Variants in PDK3 observed in about 807,000 individuals in gnomAD.
PDK3 encodes pyruvate dehydrogenase kinase 3.
In PDK3, 12 loss-of-function variants were observed where a neutral mutation model predicts 32.0. That is an observed-to-expected ratio of 0.37 (90% CI 0.24 to 0.61). The LOEUF (loss-of-function observed/expected upper bound fraction) is 0.61. PDK3 is among the 20% of genes least tolerant of loss of function. PDK3 has a pLI of 0.65. For synonymous variants in PDK3, 122 were observed against 116.3 expected (o/e 1.05, Z -0.31); for missense variants, 188 against 316.9 (o/e 0.59, Z 3.09).
chrX:24,479,862 G>A (rs941308745), intron 1 of PDK3, among the ~76,000 whole-genome samples: 1 of 111,678 alleles, frequency 9.0e-6, no homozygotes, highest in East Asian at 2.8e-4. Context: ...CACTTACTGA[G>A]TACTTACCAA....
At chrX:24,539,254 G>C, downstream of PDK3, 1 of 594,709 alleles carries the variant, frequency 1.7e-6, no homozygotes, top group Non-Finnish European at 2.7e-6. Flanking sequence ...TGCTCTGAGC[G>C]TGGCATCACA....
chrX:24,511,321 A>G (rs1432008609), intron 5 of PDK3, among the ~76,000 whole-genome samples: 1 of 112,590 alleles, frequency 8.9e-6, no homozygotes, highest in Non-Finnish European at 1.9e-5. Context: ...TTTCTTAGTT[A>G]ATCTTCTAAC....
At position 24,491,909 on chromosome X, in the gene PDK3, C is replaced by T. The variant is rs146181844; in HGVS notation, c.107-2833C>T. 3.8e-3 allele frequency among the ~76,000 whole-genome samples: 424 copies of T among 111,528 alleles called. 6 individuals are homozygous for T. Among genetic ancestry groups the T allele is most frequent in the African/African-American group, 0.013 (401 of 30,685 alleles). On this transcript the variant is annotated intron_variant, in intron 1 of 10. Coordinates refer to ENST00000379162, the MANE Select transcript of PDK3 (RefSeq NM_005391.5). ...CGTGATTGTACCACTGCACTGCAGC[C>T]TGGGTGACAGAGTGAGACCCTGTCT...
At chrX:24,470,687 C>CAAAAAA (rs58511156) in intron 1 of PDK3, among the ~76,000 whole-genome samples, 2 of 26,271 alleles carry the variant, frequency 7.6e-5, no homozygotes, top group Non-Finnish European at 1.5e-4. Flanking sequence ...AACGGCATCT[C>CAAAAAA]AAAAAAAAAA....
chrX:24,491,832 AGGCTGAGGT>A (rs1375192120), intron 1 of PDK3, among the ~76,000 whole-genome samples: 2 of 110,980 alleles, frequency 1.8e-5, no homozygotes, highest in Non-Finnish European at 1.9e-5. Flanking sequence ...CCTACCTGGG[AGGCTGAGGT>A]GGCAGGATCA....
chrX:24,545,676 A>G lies in PDK3; in HGVS notation c.*6512A>G, dbSNP rs763848914. On this transcript the variant is annotated 3_prime_UTR_variant, in exon 12 of 12. Transcript: ENST00000568479. ...GAAGACCGGTACCCACATGTAAGAG[A>G]GGTTAACGAAGGGAGGGTGGCAGAG... 4 of 111,267 alleles carry G rather than the reference A, an allele frequency of 3.6e-5. No individual in the cohort carries two copies. In the South Asian group the frequency reaches 1.6e-3, roughly 43 times the overall value. 9.2% of individuals were successfully genotyped at this position (111,267 alleles called of 1,213,427 possible).
chrX:24,527,454 C>T, intron 7 of PDK3, 120 bp from the exon 8 acceptor site: 1 of 444,361 alleles, frequency 2.3e-6, no homozygotes, highest in Non-Finnish European at 3.7e-6. Flanking sequence ...CATAAAAATC[C>T]AACTAATATT....
chrX:24,482,066 G>A (rs902165167), intron 1 of PDK3, among the ~76,000 whole-genome samples: 1 of 112,268 alleles, frequency 8.9e-6, no homozygotes, highest in Non-Finnish European at 1.9e-5. Flanking sequence ...AAACACAATA[G>A]TGGTTAGCTG....
At chrX:24,518,150 T>C (rs1922303510) in intron 5 of PDK3, among the ~76,000 whole-genome samples, 1 of 111,778 alleles carries the variant, frequency 8.9e-6, no homozygotes, top group South Asian at 3.7e-4. Context: ...GAATTGCCAG[T>C]ATTCTAGTAT....
At chrX:24,509,689 A>G (rs1413306151) in intron 5 of PDK3, among the ~76,000 whole-genome samples, 2 of 111,493 alleles carry the variant, frequency 1.8e-5, no homozygotes, top group African/African-American at 3.3e-5. Flanking sequence ...TCAGATTCCG[A>G]AAGTGTATAA....
intron 3 of PDK3, among the ~76,000 whole-genome samples, chrX:24,500,441 G>A (rs1293447398): frequency 9.0e-6 from 1 of 111,686 alleles, no homozygotes; most frequent in Admixed American, 9.5e-5. Flanking sequence ...GACTATACAC[G>A]ATGTTAAATT....
intron 3 of PDK3, among the ~76,000 whole-genome samples, chrX:24,501,639 G>T (rs1263783716): frequency 8.9e-6 from 1 of 112,553 alleles, no homozygotes; most frequent in South Asian, 3.7e-4. Context: ...CTAAACGCGG[G>T]AGGCAGAGGT....
At chrX:24,524,925 AG>A (rs1922485917) in intron 6 of PDK3, among the ~76,000 whole-genome samples, 1 of 112,222 alleles carries the variant, frequency 8.9e-6, no homozygotes, top group Non-Finnish European at 1.9e-5. Flanking sequence ...TGGGAGGCCG[AG>A]GTGGGCAAAC....
intron 1 of PDK3, among the ~76,000 whole-genome samples, chrX:24,479,591 C>T (rs1428921367): frequency 9.0e-6 from 1 of 110,902 alleles, no homozygotes; most frequent in East Asian, 2.8e-4. Context: ...TGAGACCAGT[C>T]TGGCAAACAT....
At chrX:24,532,162 A>C (rs1922665731) in intron 10 of PDK3, among the ~76,000 whole-genome samples, 1 of 110,887 alleles carries the variant, frequency 9.0e-6, no homozygotes, top group African/African-American at 3.3e-5. Context: ...GCTACTCAGG[A>C]GGCTGAGGCA....
intron 5 of PDK3, among the ~76,000 whole-genome samples, chrX:24,509,417 G>A (rs1019250080): frequency 2.7e-5 from 3 of 111,550 alleles, no homozygotes; most frequent in African/African-American, 9.8e-5. Flanking sequence ...AAAGCTTGGA[G>A]TTCCTGGTGA....
chrX:24,543,052 G>A (rs896534709), exon 12 of PDK3, among the ~76,000 whole-genome samples: 6 of 111,852 alleles, frequency 5.4e-5, no homozygotes, highest in African/African-American at 2.0e-4. Flanking sequence ...TAGATGACCT[G>A]ATTGTTTGCC....
intron 6 of PDK3, among the ~76,000 whole-genome samples, chrX:24,523,585 A>G (rs1164846915): frequency 8.9e-6 from 1 of 112,424 alleles, no homozygotes; most frequent in Non-Finnish European, 1.9e-5. Context: ...TGGTCTAAGA[A>G]AGAGCATGGA....
intron 1 of PDK3, among the ~76,000 whole-genome samples, chrX:24,482,290 A>G (rs753526650): frequency 2.7e-5 from 3 of 111,204 alleles, no homozygotes; most frequent in East Asian, 2.8e-4. Context: ...GCTCACTGCA[A>G]CCTCCACCTC....
Sources: allele counts gnomAD v4.1 joint callset (sites outside exome capture counted in the v4.1 genomes callset), GRCh38; gene constraint gnomAD v4.1.1; transcripts MANE v1.5; gene names NCBI Gene and HGNC (gene_info 2026-07-23, HGNC 2026-07-21).